PPFIBP1: variants seen among roughly 807,000 people sequenced by gnomAD.
PPFIBP1 encodes PPFIB scaffold protein 1, also known as liprin-beta-1.
Under a neutral mutation model 137.8 loss-of-function variants are expected in PPFIBP1, and 112 were observed. That is an observed-to-expected ratio of 0.81 (90% confidence interval 0.70 to 0.95). PPFIBP1 has a LOEUF of 0.95. Ranked by LOEUF, PPFIBP1 falls within the 40% of genes least tolerant of loss-of-function variation. The pLI is 0.00. For missense variants in PPFIBP1, 1,083 were observed against 1,196.6 expected (o/e 0.91, Z 1.40); for synonymous variants, 378 against 417.3 (o/e 0.91, Z 1.15).
At chr12:27,631,730 CTA>C (rs2057285445) in intron 2 of PPFIBP1, among the ~76,000 whole-genome samples, 1 of 151,908 alleles carries the variant, frequency 6.6e-6, no homozygotes, top group Non-Finnish European at 1.5e-5. Context: ...AACTCGGTAA[CTA>C]TTGTACCTAT....
At chr12:27,644,802 T>A (rs1246478197) in intron 4 of PPFIBP1, among the ~76,000 whole-genome samples, 4 of 152,226 alleles carry the variant, frequency 2.6e-5, no homozygotes, top group Non-Finnish European at 4.4e-5. Context: ...TAAATATGCA[T>A]TGCACCCTTA....
At chr12:27,590,677 C>T (rs535504295) in intron 2 of PPFIBP1, among the ~76,000 whole-genome samples, 48 of 152,204 alleles carry the variant, frequency 3.2e-4, no homozygotes, top group South Asian at 8.3e-4. Flanking sequence ...CAGTAGTAAC[C>T]CTAGAGCAGG....
chr12:27,555,763 G>A (rs1187057043), intron 1 of PPFIBP1, among the ~76,000 whole-genome samples: 1 of 152,000 alleles, frequency 6.6e-6, no homozygotes, highest in Non-Finnish European at 1.5e-5. Context: ...ATTATTTTGG[G>A]GGAAAAAGCC....
chr12:27,592,652 G>C, intron 2 of PPFIBP1: 1 of 1,589,212 alleles, frequency 6.3e-7, no homozygotes, highest in Non-Finnish European at 8.6e-7. Flanking sequence ...CACTGGGCCT[G>C]TGTGTGGGAA....
chr12:27,687,853 C>A (rs1197220461), intron 25 of PPFIBP1, among the ~76,000 whole-genome samples: 1 of 152,116 alleles, frequency 6.6e-6, no homozygotes, highest in Non-Finnish European at 1.5e-5. Context: ...GAGGCCAAGG[C>A]AGAAGAATCA....
intron 7 of PPFIBP1, among the ~76,000 whole-genome samples, chr12:27,650,788 G>T (rs1222842862): frequency 6.6e-6 from 1 of 152,164 alleles, no homozygotes; most frequent in Non-Finnish European, 1.5e-5. Context: ...TAGTTTGTTT[G>T]CTTTGTGACA....
rs566833196 is a variant in PPFIBP1, at chr12:27,671,367, A to G, written c.1147-64A>G. ...CCGTTTAATTTTCTTATGTTTATTT[A>G]AATTACTCTGTGGCTTGTGTTTTGT... On this transcript the variant is annotated intron_variant, in intron 13 of 29. Coordinates refer to ENST00000228425, the MANE Select transcript of PPFIBP1 (RefSeq NM_003622.4). 1,726 of 902,074 alleles carry G rather than the reference A, an allele frequency of 1.9e-3. 3 individuals carry two copies. The highest frequency in any genetic ancestry group is 4.8e-3 in the Middle Eastern group (19 of 3,940). The allele number at this position is 902,074 out of a possible 1,614,324, so 55.9% of individuals were successfully genotyped here.
rs776466426 is a variant in PPFIBP1 at position 27,689,035 on chromosome 12, C to T, written c.2517C>T (p.Asn839=). The T allele has an allele frequency of 1.6e-5, 25 of 1,612,000 alleles. No homozygotes were observed. The highest frequency in any genetic ancestry group is 1.3e-4 in the East Asian group (6 of 44,844). The stretch of plus-strand genomic sequence containing the variant: ...AACAGGTTCTAGAGCCTCGTTTTAA[C>T]GTAGAAACAATGGCTCAGTTATTGA... ...GGLMVLEPRF[N]VETMAQLLNI... Residue 839 remains asparagine, a synonymous_variant, in exon 27 of 30, where the codon AAC becomes AAT. Transcript: ENST00000228425.
chr12:27,577,159 G>T (rs1208663044), intron 1 of PPFIBP1, among the ~76,000 whole-genome samples: 1 of 151,700 alleles, frequency 6.6e-6, no homozygotes, highest in African/African-American at 2.4e-5. Context: ...TTCCTGAAAT[G>T]CCATAGCCAG....
chr12:27,581,802 A>G (rs1054262150), intron 2 of PPFIBP1, among the ~76,000 whole-genome samples: 5 of 152,180 alleles, frequency 3.3e-5, no homozygotes, highest in African/African-American at 9.7e-5. Flanking sequence ...ACTGGACAAT[A>G]TATAAATGAT....
chr12:27,664,570 T>TC, intron 12 of PPFIBP1, 124 bp downstream of exon 12: 1 of 679,438 alleles, frequency 1.5e-6, no homozygotes, highest in Non-Finnish European at 2.6e-6. Context: ...GCTAATTCGT[T>TC]AATTGAACAA....
At position 27,676,505 on chromosome 12, in the gene PPFIBP1, C is replaced by G. The variant is rs1223109326; in HGVS notation, c.1488C>G (p.Asp496Glu). 3 of 1,609,402 alleles carry G rather than the reference C, an allele frequency of 1.9e-6. No homozygotes were observed. The African/African-American group carries it at 4.0e-5, about 22-fold the overall frequency. ...CAGGGCAGGACACCTCCATGGATGACAACCCCTTCGGCACTCGAAAAGTCA... is the reference window on the plus strand; with the variant it reads ...CAGGGCAGGACACCTCCATGGATGAGAACCCCTTCGGCACTCGAAAAGTCA... ...RPPGQDTSMD[D>E]NPFGTRKVRS... The change falls in exon 18 of 30, where the codon GAC (aspartate) becomes GAG (glutamate). Residue 496 changes from aspartate (D) to glutamate (E), a missense_variant. Physicochemically the swap from Asp to Glu is conservative, Grantham distance 45. Transcript: ENST00000228425.
chr12:27,689,174 G>A lies in PPFIBP1; in HGVS notation c.2656G>A (p.Val886Ile). ...AGATGCCATGGAGCTGCCGGATTAT[G>A]TACTTCTAACAGCTACTGCCAAAGT... ...KRDAMELPDY[V>I]LLTATAKVKP... is the part of the protein sequence containing the mutation. The change falls in exon 27 of 30, where the codon GTA (valine) becomes ATA (isoleucine). Residue 886 changes from valine to isoleucine, a missense_variant. Transcript: ENST00000228425. 6.3e-7 allele frequency: 1 copy of A among 1,585,648 alleles called. No homozygotes were observed.
chr12:27,657,261 C>A (rs1246882698), intron 9 of PPFIBP1: 1 of 152,614 alleles, frequency 6.6e-6, no homozygotes, highest in African/African-American at 2.4e-5. Flanking sequence ...TTTGTCCAAA[C>A]TTTTTTCATA....
chr12:27,691,088 T>C (rs1010095), intron 27 of PPFIBP1, among the ~76,000 whole-genome samples: 70,474 of 147,972 alleles, frequency 0.48, 17,811 homozygotes, highest in Non-Finnish European at 0.57. Context: ...GTATCACTGA[T>C]GTTTCCTCTC....
At chr12:27,549,564 A>T (rs10842930) in intron 1 of PPFIBP1, 49,251 of 124,376 alleles carry the variant, frequency 0.4, 8,199 homozygotes, top group Middle Eastern at 0.51. Flanking sequence ...AACCAGAATT[A>T]AAAAAAAAAA....
intron 1 of PPFIBP1, among the ~76,000 whole-genome samples, chr12:27,541,094 C>T (rs989582933): frequency 3.9e-5 from 6 of 152,092 alleles, no homozygotes; most frequent in Non-Finnish European, 2.9e-5. Flanking sequence ...CTAAAATGAA[C>T]CCTTACTGCT....
intron 13 of PPFIBP1, among the ~76,000 whole-genome samples, chr12:27,669,129 A>G (rs920528548): frequency 2.0e-5 from 3 of 152,166 alleles, no homozygotes; most frequent in Non-Finnish European, 2.9e-5. Context: ...ACCAAGTGGC[A>G]TTTTTACTTT....
chr12:27,532,710 G>A (rs1944545945), intron 1 of PPFIBP1, among the ~76,000 whole-genome samples: 1 of 152,036 alleles, frequency 6.6e-6, no homozygotes, highest in Non-Finnish European at 1.5e-5. Context: ...GGACAGATGA[G>A]CATACTTGGG....
Sources: gnomAD v4.1 joint callset for allele counts (sites outside exome capture counted in the v4.1 genomes callset) on GRCh38, gnomAD v4.1.1 for gene constraint, MANE v1.5 for transcripts, NCBI Gene and HGNC (gene_info 2026-07-23, HGNC 2026-07-21) for gene names.